Variants in SGIP1 observed in about 807,000 individuals in gnomAD.
SGIP1 encodes SH3-containing GRB2-like protein 3-interacting protein 1.
SGIP1 carries 38 observed loss-of-function variants against 107.5 expected under a neutral mutation model. The ratio of observed to expected loss-of-function variants is 0.35; its 90% CI spans 0.27 to 0.46. The LOEUF is 0.46. Among genes scored for constraint, SGIP1 ranks in the 20% least tolerant of loss-of-function variants. SGIP1 has a pLI of 1.00. For synonymous variants in SGIP1, 365 were observed against 366.1 expected (o/e 1.00, Z 0.03); for missense variants, 929 against 1,019.5 (o/e 0.91, Z 1.21).
At chr1:66,739,219 C>CTGAA (rs1405281928) in intron 21 of SGIP1, 116 bp from the exon 22 acceptor site, 1 of 1,100,702 alleles carries the variant, frequency 9.1e-7, no homozygotes, top group African/African-American at 1.7e-5. Flanking sequence ...GCACGCTTCA[C>CTGAA]GGTGCCTCTC....
At chr1:66,732,737 T>TC (rs1239830144) in intron 20 of SGIP1, among the ~76,000 whole-genome samples, 4 of 79,688 alleles carry the variant, frequency 5.0e-5, no homozygotes, top group African/African-American at 1.7e-4. Flanking sequence ...ATTTTCTCTC[T>TC]TTTTTTTTTA....
intron 7 of SGIP1, among the ~76,000 whole-genome samples, chr1:66,648,356 G>C (rs965004542): frequency 6.0e-5 from 9 of 151,154 alleles, no homozygotes; most frequent in Admixed American, 2.0e-4. Flanking sequence ...ATAAGGCCTA[G>C]TGTGTCATTG....
At chr1:66,570,205 T>C (rs894862171) in intron 1 of SGIP1, among the ~76,000 whole-genome samples, 6 of 151,870 alleles carry the variant, frequency 4.0e-5, no homozygotes, top group African/African-American at 1.4e-4. Context: ...TTTTTAATAG[T>C]CTTAATTTCA....
At chr1:66,563,921 G>A (rs1472034935) in intron 1 of SGIP1, among the ~76,000 whole-genome samples, 2 of 151,986 alleles carry the variant, frequency 1.3e-5, no homozygotes, top group Non-Finnish European at 2.9e-5. Context: ...TTGTAACGCA[G>A]AGGTCCTATC....
chr1:66,685,706 C>T (rs562738383), intron 15 of SGIP1, among the ~76,000 whole-genome samples: 31 of 152,198 alleles, frequency 2.0e-4, no homozygotes, highest in East Asian at 1.4e-3. Flanking sequence ...AGTACCTAGC[C>T]GCATGTGGTT....
In SGIP1 at chr1:66,677,113, C is replaced by T. The variant is rs1305063459; in HGVS notation, c.739+17C>T. On this transcript the variant is annotated intron_variant, in intron 13 of 24. Coordinates refer to ENST00000371037, the MANE Select transcript of SGIP1 (RefSeq NM_032291.4). ...CCACTGGAAGTAAGTTATGTGTCTGCTCTGTCTGGAAAAATAAGTGACTCA... is the reference window on the plus strand; with the variant it reads ...CCACTGGAAGTAAGTTATGTGTCTGTTCTGTCTGGAAAAATAAGTGACTCA... 5 of 1,595,296 alleles carry T rather than the reference C, an allele frequency of 3.1e-6. No homozygotes were observed. Among genetic ancestry groups the T allele is most frequent in the Admixed American group, 1.7e-5 (1 of 58,980 alleles).
intron 21 of SGIP1, among the ~76,000 whole-genome samples, chr1:66,735,244 C>G (rs917036225): frequency 4.0e-5 from 6 of 151,758 alleles, no homozygotes; most frequent in African/African-American, 1.5e-4. Flanking sequence ...GAGATGAAGT[C>G]TCCCTCTGTT....
Position 66,716,228 on chromosome 1 carries a change from G to C in SGIP1, c.1631-3066G>C, listed in dbSNP as rs146842982. Among the ~76,000 whole-genome samples the C allele has an allele frequency of 9.5e-4, 145 of 152,234 alleles. 1 individual carries two copies. The Middle Eastern group carries it at 0.014, about 14-fold the overall frequency. On this transcript the variant is annotated intron_variant, in intron 18 of 24. Transcript: ENST00000371037. ...GACCAATCTCTGAGATAATCCACTA[G>C]AGAGTTCCTTCGCAATGGATGTATA...
At chr1:66,620,020 T>C (rs976379231) in intron 1 of SGIP1, among the ~76,000 whole-genome samples, 2 of 152,204 alleles carry the variant, frequency 1.3e-5, no homozygotes, top group African/African-American at 4.8e-5. Flanking sequence ...TCTAAACAAT[T>C]CTCCTTTCAG....
At chr1:66,621,894 T>C (rs2071238103) in intron 1 of SGIP1, among the ~76,000 whole-genome samples, 1 of 152,200 alleles carries the variant, frequency 6.6e-6, no homozygotes, top group African/African-American at 2.4e-5. Context: ...ACTCACAAAA[T>C]AATTAGAAAC....
Position 66,583,343 on chromosome 1 carries a change from A to T in SGIP1, c.11-42504A>T, listed in dbSNP as rs894610502. 3.9e-5 allele frequency among the ~76,000 whole-genome samples: 6 copies of T among 152,194 alleles called. No individual in the cohort carries two copies. The South Asian group carries it at 8.3e-4, about 21-fold the overall frequency. ...TGGAAAATTTTAAAGTGCTTATTAT[A>T]AATTCAGATTCACCCCATCCTACTG... is the stretch of plus-strand genomic sequence containing the variant. On this transcript the variant is annotated intron_variant, in intron 1 of 24. Transcript: ENST00000371037.
chr1:66,673,166 C>T, intron 11 of SGIP1, 115 bp from the exon 12 acceptor site: 1 of 1,012,978 alleles, frequency 9.9e-7, no homozygotes, highest in Non-Finnish European at 1.6e-6. Flanking sequence ...CATGCATGCA[C>T]TGGTGCACAC....
chr1:66,726,714 C>A (rs746975600), intron 19 of SGIP1, among the ~76,000 whole-genome samples: 11 of 152,128 alleles, frequency 7.2e-5, no homozygotes, highest in Non-Finnish European at 5.9e-5. Flanking sequence ...GAACTGAGAT[C>A]CATACTTGAC....
intron 17 of SGIP1, among the ~76,000 whole-genome samples, chr1:66,691,592 C>A (rs971704150): frequency 6.6e-6 from 1 of 151,572 alleles, no homozygotes; most frequent in Non-Finnish European, 1.5e-5. Flanking sequence ...TCTTTGAATG[C>A]CTAGTAACTC....
intron 1 of SGIP1, among the ~76,000 whole-genome samples, chr1:66,542,197 G>T (rs1050719583): frequency 6.6e-6 from 1 of 151,818 alleles, no homozygotes; most frequent in Non-Finnish European, 1.5e-5. Flanking sequence ...TTTTACCTAT[G>T]ATCATTTTAC....
intron 1 of SGIP1, among the ~76,000 whole-genome samples, chr1:66,578,682 T>C (rs2148704913): frequency 6.6e-6 from 1 of 152,176 alleles, no homozygotes; most frequent in East Asian, 1.9e-4. Context: ...GTATTTTTTT[T>C]TCTTTTGAGA....
At chr1:66,659,293 A>G (rs2080401538) in intron 7 of SGIP1, among the ~76,000 whole-genome samples, 1 of 152,178 alleles carries the variant, frequency 6.6e-6, no homozygotes, top group Non-Finnish European at 1.5e-5. Flanking sequence ...CCTCATTAAG[A>G]CAGGTGCTGA....
chr1:66,585,429 G>A (rs1397650428), intron 1 of SGIP1, among the ~76,000 whole-genome samples: 1 of 152,120 alleles, frequency 6.6e-6, no homozygotes, highest in Non-Finnish European at 1.5e-5. Flanking sequence ...GTTTCCTTCT[G>A]CATGGAATAG....
At chr1:66,663,017 G>T (rs1387736281) in intron 8 of SGIP1, among the ~76,000 whole-genome samples, 6 of 151,992 alleles carry the variant, frequency 3.9e-5, no homozygotes, top group African/African-American at 1.5e-4. Context: ...TTGTTTGGTT[G>T]TGCAGTTAAA....
Sources: allele counts gnomAD v4.1 joint callset (sites outside exome capture counted in the v4.1 genomes callset), GRCh38; gene constraint gnomAD v4.1.1; transcripts MANE v1.5; gene names NCBI Gene and HGNC (gene_info 2026-07-23, HGNC 2026-07-21).